Variants in SPATA4 observed in about 807,000 individuals in gnomAD.
SPATA4 encodes spermatogenesis-associated protein 4.
In SPATA4, 35 loss-of-function variants were observed where a neutral mutation model predicts 31.8. The observed-to-expected ratio is 1.10, with a 90% CI of 0.84 to 1.46. SPATA4 has a LOEUF of 1.46. SPATA4 is among the 40% of genes most tolerant of loss of function. SPATA4 has a pLI of 0.00. For missense variants in SPATA4, 394 were observed against 363.1 expected, an observed-to-expected ratio of 1.09 and a Z score of -0.69; for synonymous variants, 126 against 132.4, an observed-to-expected ratio of 0.95 and a Z score of 0.33.
At position 176,192,548 on chromosome 4, in the gene SPATA4, G is replaced by A. The variant is rs564752368; in HGVS notation, c.688+79C>T. The A allele has an allele frequency of 4.1e-6, 5 of 1,220,462 alleles. No individual in the cohort carries two copies. In the East Asian group the frequency reaches 1.2e-4, roughly 29 times the overall value. The allele number at this position is 1,220,462 out of a possible 1,614,324, so 75.6% of individuals were successfully genotyped here. On this transcript the variant is annotated intron_variant, in intron 4 of 5. Transcript: ENST00000280191. ...ACAGAAGATAGCAAAATGGGCCAGTGCCGACATTTCTTTCATCTGTGCTCA... is the reference window on the plus strand; with the variant it reads ...ACAGAAGATAGCAAAATGGGCCAGTACCGACATTTCTTTCATCTGTGCTCA...
Position 176,188,102 on chromosome 4 carries a change from A to C in SPATA4, c.805+17T>G. 6.4e-7 allele frequency: 1 copy of C among 1,552,560 alleles called. No homozygotes were observed. The highest frequency in any genetic ancestry group is 1.4e-5 in the African/African-American group (1 of 73,412). ...CAAAAAAAAATCAATTTTAAGAAGC[A>C]AAGAGTTAAAACTTACGTAAAACAG... On this transcript the variant is annotated intron_variant, in intron 5 of 5. Transcript: ENST00000280191.
At chr4:176,192,498 GAAGT>G in intron 4 of SPATA4, 125 bp downstream of exon 4, 1 of 698,116 alleles carries the variant, frequency 1.4e-6, no homozygotes, top group Non-Finnish European at 2.4e-6. Flanking sequence ...TAGCATTAAA[GAAGT>G]AATTTCCCTT....
rs145400529 is a variant in SPATA4 at position 176,192,811 on chromosome 4, C to A, written c.504G>T (p.Thr168=). Residue 168 remains threonine, a synonymous_variant, in exon 4 of 6, where the codon ACG becomes ACT. Coordinates refer to ENST00000280191, the MANE Select transcript of SPATA4 (RefSeq NM_144644.4). ...GTAAACGCATCTGGTAGCTATAGTC[C>A]GTGAAATTCACAAAGTCATCCTGGA... ...KSIQDDFVNF[T]DYSYQMRLPL... 6.2e-7 allele frequency: 1 copy of A among 1,613,830 alleles called. No homozygotes were observed. The highest frequency in any genetic ancestry group is 8.5e-7 in the Non-Finnish European group (1 of 1,179,916).
intron 5 of SPATA4, among the ~76,000 whole-genome samples, chr4:176,187,385 G>A (rs536453587): frequency 1.3e-5 from 2 of 152,062 alleles, no homozygotes; most frequent in Admixed American, 6.6e-5. Context: ...AGGGTGGACT[G>A]CCTGAGCTCA....
chr4:176,188,253 A>G lies in SPATA4; in HGVS notation c.689-18T>C, dbSNP rs371982876. 24 of 1,517,398 alleles carry G rather than the reference A, an allele frequency of 1.6e-5. No individual in the cohort carries two copies. The African/African-American group carries it at 1.7e-4, about 11-fold the overall frequency. The allele number at this position is 1,517,398 out of a possible 1,614,324, so 94.0% of individuals were successfully genotyped here. A position where few individuals can be genotyped will look rare whatever the true frequency, so the allele number is the denominator to read the frequency against. On this transcript the variant is annotated intron_variant, in intron 4 of 5. Coordinates refer to ENST00000280191, the MANE Select transcript of SPATA4 (RefSeq NM_144644.4). ...AAACCATTCTATAAAATATGAACACAAAAGTTATTTCTTAAAAAGCCATAA... is the reference window on the plus strand; with the variant it reads ...AAACCATTCTATAAAATATGAACACGAAAGTTATTTCTTAAAAAGCCATAA...
intron 4 of SPATA4, among the ~76,000 whole-genome samples, chr4:176,189,878 G>A (rs999680997): frequency 1.3e-5 from 2 of 152,132 alleles, no homozygotes; most frequent in African/African-American, 4.8e-5. Flanking sequence ...TTATTCATCC[G>A]GGAACTTCAG....
chr4:176,193,493 G>A lies in SPATA4; in HGVS notation c.308C>T (p.Ser103Phe), dbSNP rs763075141. Residue 103 changes from serine (S) to phenylalanine (F), a missense_variant, in exon 2 of 6, where the codon TCT becomes TTT. Ser to Phe is a radical substitution (Grantham distance 155, BLOSUM62 -2). Coordinates refer to ENST00000280191, the MANE Select transcript of SPATA4 (RefSeq NM_144644.4). Reference protein sequence around the residue: ...LELSSFENGTSLKVKLDNWAQ... With the variant: ...LELSSFENGTFLKVKLDNWAQ... ...CCAGTTATCCAACTTGACTTTTAAAGAGGTCCCGTTTTCAAAGGATGATAA... is the reference window on the plus strand; with the variant it reads ...CCAGTTATCCAACTTGACTTTTAAAAAGGTCCCGTTTTCAAAGGATGATAA... 6.2e-7 allele frequency: 1 copy of A among 1,613,824 alleles called. No individual in the cohort carries two copies. The highest frequency in any genetic ancestry group is 1.7e-5 in the Admixed American group (1 of 59,998).
In SPATA4 at chr4:176,190,411, A is replaced by G. The variant is rs539989336; in HGVS notation, c.689-2176T>C. ...CTTGTATTTGATTTTCATTCCTGCCATAACAAATTACCACAAATATCATGA... is the reference window on the plus strand; with the variant it reads ...CTTGTATTTGATTTTCATTCCTGCCGTAACAAATTACCACAAATATCATGA... On this transcript the variant is annotated intron_variant, in intron 4 of 5. Coordinates refer to ENST00000280191, the MANE Select transcript of SPATA4 (RefSeq NM_144644.4). Among the ~76,000 whole-genome samples the G allele has an allele frequency of 3.9e-5, 6 of 152,352 alleles. No individual in the cohort carries two copies. The South Asian group carries it at 1.2e-3, about 32-fold the overall frequency.
chr4:176,195,271 T>G, intron 1 of SPATA4, 74 bp downstream of exon 1: 5 of 1,494,466 alleles, frequency 3.3e-6, no homozygotes, highest in Non-Finnish European at 4.6e-6. Context: ...GGGTAGGCAA[T>G]CTGAGGCCTG....
Position 176,192,789 on chromosome 4 carries a change from A to T in SPATA4, c.526T>A (p.Leu176Ile). 1 of 1,614,156 alleles carries T rather than the reference A, an allele frequency of 6.2e-7. No individual in the cohort carries two copies. Among genetic ancestry groups the T allele is most frequent in the Non-Finnish European group, 8.5e-7 (1 of 1,179,992 alleles). ...NFTDYSYQMR[L>I]PLVSRSTVSK... is the part of the protein sequence containing the mutation. ...ACTGTAGACCTGGAAACCAGGGGTA[A>T]ACGCATCTGGTAGCTATAGTCCGTG... is the stretch of plus-strand genomic sequence containing the variant. The change falls in exon 4 of 6, where the codon TTA becomes ATA. Residue 176 changes from leucine (L) to isoleucine (I), a missense_variant. Leu to Ile is a conservative substitution (Grantham distance 5). Transcript: ENST00000280191.
At chr4:176,186,160 T>A (rs1363838364) in intron 5 of SPATA4, among the ~76,000 whole-genome samples, 1 of 152,236 alleles carries the variant, frequency 6.6e-6, no homozygotes, top group East Asian at 1.9e-4. Flanking sequence ...TCTTTAGCAA[T>A]TCAAATATCA....
intron 4 of SPATA4, among the ~76,000 whole-genome samples, chr4:176,191,084 T>C (rs1363915012): frequency 1.5e-5 from 2 of 133,916 alleles, no homozygotes; most frequent in Non-Finnish European, 3.1e-5. Flanking sequence ...AATATATAAA[T>C]AGTATGTATA....
At chr4:176,193,137 T>A (rs1579296256) in intron 2 of SPATA4, 61 bp from the exon 3 acceptor site, 2 of 1,098,286 alleles carry the variant, frequency 1.8e-6, no homozygotes, top group East Asian at 2.4e-5. Context: ...CTCCAAGTAC[T>A]ATGAATTCAC....
Position 176,193,075 on chromosome 4 carries a change from A to G in SPATA4, c.350T>C (p.Phe117Ser). The change falls in exon 3 of 6, where the codon TTC (phenylalanine) becomes TCC (serine). Residue 117 changes from phenylalanine (F) to serine (S), a missense_variant and splice_region_variant. Phe to Ser is a radical substitution (Grantham distance 155). Coordinates refer to ENST00000280191, the MANE Select transcript of SPATA4 (RefSeq NM_144644.4). The part of the protein sequence containing the change: ...KLDNWAQLEK[F>S]LARKKFKLPK... Reference sequence around the variant, plus strand: ...TAATTTAAATTTTTTTCTTGCCAGGAACTTTAATAGTAGAAAGAAAATGTT... The same window carrying G: ...TAATTTAAATTTTTTTCTTGCCAGGGACTTTAATAGTAGAAAGAAAATGTT... The G allele has an allele frequency of 6.5e-7, 1 of 1,536,564 alleles. No homozygotes were observed. Among genetic ancestry groups the G allele is most frequent in the Non-Finnish European group, 8.9e-7 (1 of 1,126,920 alleles).
chr4:176,192,175 T>C (rs1752541790), intron 4 of SPATA4, among the ~76,000 whole-genome samples: 1 of 152,214 alleles, frequency 6.6e-6, no homozygotes, highest in South Asian at 2.1e-4. Context: ...AAAGTTGCCA[T>C]GATTGCCCCA....
At chr4:176,193,912 CT>C (rs1752572759) in intron 1 of SPATA4, 1 of 171,448 alleles carries the variant, frequency 5.8e-6, no homozygotes, top group African/African-American at 2.4e-5. Context: ...TAGTCCCCCG[CT>C]TATCTGCAGT....
rs763007844 is a variant in SPATA4 at position 176,195,534 on chromosome 4, T to C, written c.29A>G (p.Tyr10Cys). The C allele has an allele frequency of 2.5e-6, 4 of 1,614,208 alleles. No individual in the cohort carries two copies. The South Asian group carries it at 3.3e-5, about 13-fold the overall frequency. MAAAGQEKG[Y>C]LTQTAAALDK... is the part of the protein sequence containing the mutation. ...TAGGGCTGCCGCAGTCTGTGTCAAA[T>C]ACCCTTTTTCCTGGCCGGCGGCAGC... Residue 10 changes from tyrosine (Y) to cysteine (C), a missense_variant, in exon 1 of 6, where the codon TAT becomes TGT. Transcript: ENST00000280191.
At chr4:176,190,010 G>A (rs561846532) in intron 4 of SPATA4, among the ~76,000 whole-genome samples, 7 of 152,266 alleles carry the variant, frequency 4.6e-5, no homozygotes, top group South Asian at 2.1e-4. Context: ...CAGCGGGTAC[G>A]TGACTGGGGG....
chr4:176,191,456 G>A (rs562193852), intron 4 of SPATA4, among the ~76,000 whole-genome samples: 1 of 152,212 alleles, frequency 6.6e-6, no homozygotes, highest in Non-Finnish European at 1.5e-5. Flanking sequence ...TCTTGGAAGG[G>A]AATGTGGAGA....
Sources: allele counts gnomAD v4.1 joint callset (sites outside exome capture counted in the v4.1 genomes callset), GRCh38; gene constraint gnomAD v4.1.1; transcripts MANE v1.5; gene names NCBI Gene and HGNC (gene_info 2026-07-23, HGNC 2026-07-21).